Variants in TRAPPC9 observed in about 807,000 individuals in gnomAD.
TRAPPC9 encodes the protein IKK2 binding protein.
Under a neutral mutation model 124.0 loss-of-function variants are expected in TRAPPC9, and 83 were observed. The observed-to-expected ratio is 0.67, with a 90% CI of 0.56 to 0.80. The LOEUF (loss-of-function observed/expected upper bound fraction) is 0.80. Ranked by LOEUF, TRAPPC9 falls within the 30% of genes least tolerant of loss-of-function variation. The pLI, the probability that TRAPPC9 is intolerant of heterozygous loss-of-function variation, is 0.00. For synonymous variants in TRAPPC9, 638 were observed against 617.5 expected (o/e 1.03, Z -0.49); for missense variants, 1,302 against 1,508.3 (o/e 0.86, Z 2.27).
chr8:139,861,859 C>T (rs982982511), intron 21 of TRAPPC9, among the ~76,000 whole-genome samples: 2 of 152,064 alleles, frequency 1.3e-5, no homozygotes, highest in African/African-American at 2.4e-5. Context: ...AAGCAGGGGT[C>T]TTCACCGAGA....
chr8:139,994,899 GA>G (rs1297183886), intron 18 of TRAPPC9, among the ~76,000 whole-genome samples: 1 of 151,850 alleles, frequency 6.6e-6, no homozygotes, highest in African/African-American at 2.4e-5. Context: ...AGGTCATGGG[GA>G]AATACTCATA....
intron 19 of TRAPPC9, among the ~76,000 whole-genome samples, chr8:139,965,753 A>G (rs1835662845): frequency 6.6e-6 from 1 of 152,290 alleles, no homozygotes; most frequent in Admixed American, 6.5e-5. Context: ...AAAAGCAGAG[A>G]CGCATCACAC....
At chr8:139,885,417 T>C (rs1403944035) in intron 21 of TRAPPC9, among the ~76,000 whole-genome samples, 2 of 152,180 alleles carry the variant, frequency 1.3e-5, no homozygotes, top group Non-Finnish European at 2.9e-5. Flanking sequence ...AAGCTGTCCA[T>C]GCATAGTCGT....
chr8:140,051,576 C>CTTTTTTT (rs1197128988), intron 17 of TRAPPC9, among the ~76,000 whole-genome samples: 46 of 87,984 alleles, frequency 5.2e-4, no homozygotes, highest in African/African-American at 8.9e-4. Context: ...ATTGTTCATT[C>CTTTTTTT]TTTTTTTTTT....
chr8:140,448,866 T>C (rs1168860654), intron 2 of TRAPPC9, among the ~76,000 whole-genome samples: 1 of 152,210 alleles, frequency 6.6e-6, no homozygotes, highest in Admixed American at 6.5e-5. Flanking sequence ...TCAGCTCTGC[T>C]GCTTGGTGGC....
At chr8:140,208,741 G>C (rs1162935113) in intron 17 of TRAPPC9, among the ~76,000 whole-genome samples, 1 of 152,228 alleles carries the variant, frequency 6.6e-6, no homozygotes, top group African/African-American at 2.4e-5. Flanking sequence ...CTGATCCATG[G>C]ACACAAAGTC....
At chr8:139,823,976 C>T (rs940092501) in intron 21 of TRAPPC9, among the ~76,000 whole-genome samples, 2 of 152,136 alleles carry the variant, frequency 1.3e-5, no homozygotes, top group African/African-American at 2.4e-5. Flanking sequence ...TAGACATGCC[C>T]GTGAGGATCC....
intron 1 of TRAPPC9, among the ~76,000 whole-genome samples, chr8:140,457,061 G>A (rs910139081): frequency 6.6e-6 from 1 of 152,232 alleles, no homozygotes; most frequent in Admixed American, 6.5e-5. Context: ...ATGCCGCCCA[G>A]CTAGATCGCA....
At chr8:140,143,183 T>A (rs866982301) in intron 17 of TRAPPC9, among the ~76,000 whole-genome samples, 36 of 152,314 alleles carry the variant, frequency 2.4e-4, no homozygotes, top group Middle Eastern at 3.4e-3. Context: ...AAGAACATTA[T>A]CAAAAATAGT....
chr8:139,906,412 C>T (rs894032536), intron 20 of TRAPPC9, among the ~76,000 whole-genome samples: 3 of 152,208 alleles, frequency 2.0e-5, no homozygotes, highest in Non-Finnish European at 2.9e-5. Flanking sequence ...TCAGAGGCCA[C>T]CCACAGCCCT....
At chr8:140,356,571 C>G in intron 9 of TRAPPC9, among the ~76,000 whole-genome samples, 1 of 152,030 alleles carries the variant, frequency 6.6e-6, no homozygotes, top group Non-Finnish European at 1.5e-5. Context: ...TACGTATACA[C>G]ACACATACAG....
intron 21 of TRAPPC9, among the ~76,000 whole-genome samples, chr8:139,817,240 G>T (rs572126286): frequency 3.3e-5 from 5 of 152,274 alleles, no homozygotes; most frequent in African/African-American, 9.6e-5. Context: ...CAAGACACCA[G>T]TTCAGTGGAC....
intron 21 of TRAPPC9, among the ~76,000 whole-genome samples, chr8:139,836,604 ACAC>A (rs1230807586): frequency 2.0e-5 from 3 of 152,192 alleles, no homozygotes; most frequent in African/African-American, 7.2e-5. Context: ...CTGAAAACTC[ACAC>A]GATTCATCCC....
intron 2 of TRAPPC9, among the ~76,000 whole-genome samples, chr8:140,442,244 T>C (rs928957070): frequency 2.0e-5 from 3 of 152,192 alleles, no homozygotes; most frequent in African/African-American, 7.2e-5. Context: ...ATAAATACTC[T>C]TATAGTTTTT....
intron 18 of TRAPPC9, among the ~76,000 whole-genome samples, chr8:139,997,589 G>A (rs953354453): frequency 2.8e-5 from 4 of 142,192 alleles, no homozygotes; most frequent in Admixed American, 2.7e-4. Flanking sequence ...TCCTACCCAG[G>A]GGAGACAATG....
In TRAPPC9 at chr8:140,250,146, T is replaced by C. The variant is rs190878641; in HGVS notation, c.2431+2631A>G. The stretch of plus-strand genomic sequence containing the variant: ...CAATCTCCTTTAATCTAGAACATTC[T>C]TCCCACTTGCGTTTATAAAATGGGA... On this transcript the variant is annotated intron_variant, in intron 16 of 22. Transcript: ENST00000438773. 5.3e-5 allele frequency among the ~76,000 whole-genome samples: 8 copies of C among 152,334 alleles called. No individual in the cohort carries two copies. In the East Asian group the frequency reaches 1.5e-3, roughly 29 times the overall value.
chr8:139,749,265 C>T (rs1441188240), intron 21 of TRAPPC9, among the ~76,000 whole-genome samples: 1 of 152,130 alleles, frequency 6.6e-6, no homozygotes, highest in Non-Finnish European at 1.5e-5. Context: ...CCTGCATGGC[C>T]CACACGGGAA....
chr8:140,433,355 G>A (rs548650888), intron 4 of TRAPPC9, among the ~76,000 whole-genome samples: 3 of 152,152 alleles, frequency 2.0e-5, no homozygotes, highest in South Asian at 4.1e-4. Context: ...TTGGGAGGCC[G>A]AGGCAGGCAG....
intron 17 of TRAPPC9, among the ~76,000 whole-genome samples, chr8:140,212,001 G>A (rs1461213503): frequency 1.3e-5 from 2 of 152,272 alleles, no homozygotes; most frequent in African/African-American, 2.4e-5. Context: ...CACTTGCGGA[G>A]GAAGGCTCAG....
Sources: allele counts gnomAD v4.1 joint callset (sites outside exome capture counted in the v4.1 genomes callset), GRCh38; gene constraint gnomAD v4.1.1; transcripts MANE v1.5; gene names NCBI Gene and HGNC (gene_info 2026-07-23, HGNC 2026-07-21).